The following EP400 variants were observed in gnomAD, a reference collection of about 807,000 sequenced individuals.
EP400 encodes E1A-binding protein p400.
Under a neutral mutation model 354.1 loss-of-function variants are expected in EP400, and 105 were observed. The ratio of observed to expected loss-of-function variants is 0.30; its 90% CI spans 0.25 to 0.35. The LOEUF (loss-of-function observed/expected upper bound fraction) is 0.35, where lower values mean the gene tolerates loss of function less well. Among genes scored for constraint, EP400 ranks in the 10% least tolerant of loss-of-function variants. The pLI is 1.00. For synonymous variants in EP400, 1,646 were observed against 1,716.9 expected (o/e 0.96, Z 1.02); for missense variants, 3,280 against 4,121.0 (o/e 0.80, Z 5.59).
chr12:132,050,247 C>T lies in EP400; in HGVS notation c.7201-76C>T. The stretch of plus-strand genomic sequence containing the variant: ...GGGAGTTTAGCCTCAGATTCCCACC[C>T]AGTGAGCCCTGTGTCCCACGCAGCC... On this transcript the variant is annotated intron_variant, in intron 39 of 52. Transcript: ENST00000389561. The surrounding 1 kb of genome is among the most constrained non-coding windows in gnomAD (Gnocchi z 4.8). The T allele has an allele frequency of 1.3e-6, 2 of 1,549,322 alleles. No homozygotes were observed. Among genetic ancestry groups the T allele is most frequent in the Non-Finnish European group, 1.8e-6 (2 of 1,139,924 alleles).
At chr12:132,043,855 A>T in intron 34 of EP400, 127 bp downstream of exon 34, 1 of 908,176 alleles carries the variant, frequency 1.1e-6, no homozygotes, top group South Asian at 1.8e-5. Context: ...TATGGAAATG[A>T]ACTTAAAATG....
chr12:132,018,064 C>A lies in EP400; in HGVS notation c.4111-146C>A. The stretch of plus-strand genomic sequence containing the variant: ...GTGTGGCAGCACCTGTGTATTGGCA[C>A]GGAGGAGGGTCTGCTTGCCGAGTGG... On this transcript the variant is annotated intron_variant, in intron 20 of 52. Coordinates refer to ENST00000389561, the MANE Select transcript of EP400 (RefSeq NM_015409.5). The surrounding 1 kb of genome is among the most constrained non-coding windows in gnomAD (Gnocchi z 4.0). 1 of 954,072 alleles carries A rather than the reference C, an allele frequency of 1.0e-6. No individual in the cohort carries two copies. The highest frequency in any genetic ancestry group is 1.5e-5 in the South Asian group (1 of 65,444). 59.1% of individuals were successfully genotyped at this position (954,072 alleles called of 1,614,324 possible). A position where few individuals can be genotyped will look rare whatever the true frequency, so the allele number is the denominator to read the frequency against.
At chr12:132,060,535 T>C (rs1380071997) in intron 45 of EP400, among the ~76,000 whole-genome samples, 1 of 152,166 alleles carries the variant, frequency 6.6e-6, no homozygotes, top group African/African-American at 2.4e-5. Flanking sequence ...GCAGCAGCAG[T>C]GAGGCCGGGA....
rs958365351 is a variant in EP400, at chr12:132,006,640, G to A, written c.3127-60G>A. ...ATGTGACTGTTGATTTCAGTTTTGA[G>A]AAAAAGTTTGGGTGATTATTTTGAC... On this transcript the variant is annotated intron_variant, in intron 14 of 52. Coordinates refer to ENST00000389561, the MANE Select transcript of EP400 (RefSeq NM_015409.5). 21 of 1,502,726 alleles carry A rather than the reference G, an allele frequency of 1.4e-5. No homozygotes were observed. The African/African-American group carries it at 3.0e-4, about 21-fold the overall frequency. The allele number at this position is 1,502,726 out of a possible 1,614,324, so 93.1% of individuals were successfully genotyped here.
Position 132,021,167 on chromosome 12 carries a change from G to A in EP400, c.4536G>A (p.Pro1512=), listed in dbSNP as rs765374922. 14 of 1,600,944 alleles carry A rather than the reference G, an allele frequency of 8.7e-6. No homozygotes were observed. The highest frequency in any genetic ancestry group is 1.3e-5 in the African/African-American group (1 of 74,902). Reference sequence around the variant, plus strand: ...CGGCCTCCAGCACAGCCGCTAGCCCGGCCCATCCTGCGAAACTGCGGGCCC... The same window carrying A: ...CGGCCTCCAGCACAGCCGCTAGCCCAGCCCATCCTGCGAAACTGCGGGCCC... ...PASASSTAAS[P]AHPAKLRAQT... is the part of the protein sequence containing the mutation. The change falls in exon 23 of 53, where the codon CCG becomes CCA. Residue 1512 remains proline, a synonymous_variant. Transcript: ENST00000389561.
Position 131,986,561 on chromosome 12 carries a change from A to G in EP400, c.1977A>G (p.Pro659=), listed in dbSNP as rs762796369. The change falls in exon 6 of 53, where the codon CCA becomes CCG. Residue 659 remains proline, a synonymous_variant. Coordinates refer to ENST00000389561, the MANE Select transcript of EP400 (RefSeq NM_015409.5). ...CTGTGGACCCTGCCCCGCCCTGCCC[A>G]CGGCCTCTGCCCACCTCTTCTACCT... ...RLPVDPAPPC[P]RPLPTSSTSS... The G allele has an allele frequency of 8.1e-6, 13 of 1,613,538 alleles. No homozygotes were observed. The highest frequency in any genetic ancestry group is 3.3e-5 in the Admixed American group (2 of 59,982).
intron 1 of EP400, among the ~76,000 whole-genome samples, chr12:131,960,101 C>T (rs1891828304): frequency 1.3e-5 from 2 of 152,206 alleles, no homozygotes; most frequent in Admixed American, 6.5e-5. Context: ...GTTGTCCCTC[C>T]ATAGGGAGAG....
Position 132,062,525 on chromosome 12 carries a change from C to A in EP400, c.8158C>A (p.Gln2720Lys), listed in dbSNP as rs1450108304. 5 of 1,566,432 alleles carry A rather than the reference C, an allele frequency of 3.2e-6. No individual in the cohort carries two copies. The highest frequency in any genetic ancestry group is 3.5e-6 in the Non-Finnish European group (4 of 1,148,822). Residue 2720 changes from glutamine (Q) to lysine (K), a missense_variant, in exon 47 of 53, where the codon CAG (glutamine) becomes AAG (lysine). Transcript: ENST00000389561. ...ITPAHFQLLRQQQQQQQQQQQ... is the reference protein window; with the variant it reads ...ITPAHFQLLRKQQQQQQQQQQ... The stretch of plus-strand genomic sequence containing the variant: ...ACCTGCACATTTCCAGCTTCTCAGG[C>A]AGCAGCAGCAGCAGCAGCAACAACA...
At chr12:132,076,378 A>G (rs1220580098) in intron 51 of EP400, 138 bp from the exon 52 acceptor site, 1 of 833,308 alleles carries the variant, frequency 1.2e-6, no homozygotes, top group Non-Finnish European at 2.0e-6. Context: ...GCAGGTGGGC[A>G]CACTACGAGA....
intron 1 of EP400, among the ~76,000 whole-genome samples, chr12:131,956,177 A>C (rs1331454598): frequency 1.3e-5 from 2 of 152,060 alleles, no homozygotes; most frequent in Non-Finnish European, 2.9e-5. Flanking sequence ...GGCATCTTGC[A>C]CCTGAGACTC....
At chr12:132,065,128 G>T (rs888412292) in intron 48 of EP400, 5 of 707,988 alleles carry the variant, frequency 7.1e-6, no homozygotes, top group South Asian at 2.0e-5. Flanking sequence ...TGAATTGAGG[G>T]GGGTGGAGAG....
intron 12 of EP400, among the ~76,000 whole-genome samples, chr12:131,995,607 T>C (rs563113390): frequency 6.6e-6 from 1 of 151,356 alleles, no homozygotes; most frequent in East Asian, 2.0e-4. Flanking sequence ...GTGTGAGAAC[T>C]TCACGTGAAT....
chr12:132,015,418 A>G (rs1432460890), intron 19 of EP400, among the ~76,000 whole-genome samples: 2 of 152,356 alleles, frequency 1.3e-5, no homozygotes, highest in Middle Eastern at 3.4e-3. Context: ...ACTAGTTGTC[A>G]TTTGAGTGGA....
At chr12:131,997,889 A>T (rs1893270853) in intron 12 of EP400, among the ~76,000 whole-genome samples, 2 of 152,162 alleles carry the variant, frequency 1.3e-5, no homozygotes, top group South Asian at 4.1e-4. Flanking sequence ...CCTATTGATG[A>T]TGTTTAGTGA....
rs1224267146 is a variant in EP400 at position 132,029,667 on chromosome 12, C to T, written c.5382-34C>T. 18 of 1,603,452 alleles carry T rather than the reference C, an allele frequency of 1.1e-5. No individual in the cohort carries two copies. Among genetic ancestry groups the T allele is most frequent in the Admixed American group, 3.3e-5 (2 of 59,828 alleles). On this transcript the variant is annotated intron_variant, in intron 27 of 52. Coordinates refer to ENST00000389561, the MANE Select transcript of EP400 (RefSeq NM_015409.5). This position sits in a 1 kb window ranked among gnomAD's most constrained non-coding sequence, Gnocchi z 4.7. ...CATGCTGGGTGAAGGTGTGTGGCTC[C>T]TGGTGGTGACAAAACATGCTTTCTG...
rs764316896 is a variant in EP400 at position 132,076,496 on chromosome 12, C to CT, written c.9022-13dup. On this transcript the variant is annotated intron_variant, in intron 51 of 52. Transcript: ENST00000389561. The stretch of plus-strand genomic sequence containing the variant: ...ATACTCCTTTGAATTGTATGTTTGG[C>CT]TTTTTTTGTTTTGTCAAAGGTTGCA... 2 of 1,613,422 alleles carry CT rather than the reference C, an allele frequency of 1.2e-6. No individual in the cohort carries two copies. The highest frequency in any genetic ancestry group is 1.7e-6 in the Non-Finnish European group (2 of 1,179,472).
intron 51 of EP400, among the ~76,000 whole-genome samples, chr12:132,074,487 G>A (rs886919044): frequency 6.6e-6 from 1 of 152,070 alleles, no homozygotes; most frequent in Non-Finnish European, 1.5e-5. Context: ...GCCTGTTATC[G>A]AGACGTTGTC....
At chr12:132,006,921 C>G (rs762354967) in intron 15 of EP400, 44 bp downstream of exon 15, 65 of 1,608,038 alleles carry the variant, frequency 4.0e-5, no homozygotes, top group Non-Finnish European at 5.0e-5. Flanking sequence ...TTTGCTAGGA[C>G]TTACCTATAG....
Position 132,050,320 on chromosome 12 carries a change from C to T in EP400, c.7201-3C>T, listed in dbSNP as rs773598822. 1.9e-6 allele frequency: 3 copies of T among 1,613,974 alleles called. No homozygotes were observed. The highest frequency in any genetic ancestry group is 4.5e-5 in the East Asian group (2 of 44,876). Reference sequence around the variant, plus strand: ...AGATGCACTCTCGTCAATTTCATTGCAGAGTAAAAACAACCGTCCTCTCCG... The same window carrying T: ...AGATGCACTCTCGTCAATTTCATTGTAGAGTAAAAACAACCGTCCTCTCCG... On this transcript the variant is annotated splice_region_variant and splice_polypyrimidine_tract_variant and intron_variant, in intron 39 of 52. Coordinates refer to ENST00000389561, the MANE Select transcript of EP400 (RefSeq NM_015409.5). The surrounding 1 kb of genome is among the most constrained non-coding windows in gnomAD (Gnocchi z 4.8).
Sources: allele counts gnomAD v4.1 joint callset (sites outside exome capture counted in the v4.1 genomes callset), GRCh38; gene constraint gnomAD v4.1.1; non-coding constraint Gnocchi (gnomAD v3.1); transcripts MANE v1.5; gene names NCBI Gene and HGNC (gene_info 2026-07-23, HGNC 2026-07-21).